Variants in SPON1 observed in about 807,000 individuals in gnomAD.
SPON1 encodes spondin-1.
SPON1 carries 52 observed loss-of-function variants against 111.7 expected under a neutral mutation model. The observed-to-expected ratio is 0.47, with a 90% CI of 0.37 to 0.59. The LOEUF (loss-of-function observed/expected upper bound fraction) is 0.59. Among genes scored for constraint, SPON1 ranks in the 20% least tolerant of loss-of-function variants. The pLI is 0.00. For missense variants in SPON1, 957 were observed against 1,068.5 expected, an observed-to-expected ratio of 0.90 and a Z score of 1.46; for synonymous variants, 410 against 395.8, an observed-to-expected ratio of 1.04 and a Z score of -0.43.
chr11:14,134,297 T>C (rs1847565423), intron 5 of SPON1, among the ~76,000 whole-genome samples: 1 of 152,224 alleles, frequency 6.6e-6, no homozygotes, highest in African/African-American at 2.4e-5. Context: ...AATAAATGTA[T>C]ATGCATCTGT....
intron 5 of SPON1, among the ~76,000 whole-genome samples, chr11:14,095,464 T>G (rs1849093288): frequency 6.6e-6 from 1 of 151,936 alleles, no homozygotes; most frequent in African/African-American, 2.4e-5. Context: ...CATTTTTTTT[T>G]GAGGAATTGG....
chr11:14,172,993 G>A (rs1848125609), intron 6 of SPON1, among the ~76,000 whole-genome samples: 1 of 151,844 alleles, frequency 6.6e-6, no homozygotes, highest in Admixed American at 6.6e-5. Flanking sequence ...TTCTCGAGGA[G>A]CATCTTTGTG....
intron 2 of SPON1, among the ~76,000 whole-genome samples, chr11:14,020,637 T>A (rs1848474246): frequency 6.6e-6 from 1 of 152,234 alleles, no homozygotes; most frequent in Non-Finnish European, 1.5e-5. Context: ...CAGCCTTGTT[T>A]GTTATAGCAA....
intron 6 of SPON1, among the ~76,000 whole-genome samples, chr11:14,208,054 G>A (rs1470301706): frequency 2.0e-5 from 3 of 152,078 alleles, no homozygotes; most frequent in Non-Finnish European, 4.4e-5. Context: ...TCCTTTGCAG[G>A]GACATGGATG....
chr11:14,230,609 G>T (rs1010120694), intron 6 of SPON1, among the ~76,000 whole-genome samples: 5 of 152,126 alleles, frequency 3.3e-5, no homozygotes, highest in African/African-American at 1.2e-4. Flanking sequence ...AGCCCATTGG[G>T]TCTAGAGGTC....
At chr11:14,155,769 C>T (rs1372661981) in intron 6 of SPON1, among the ~76,000 whole-genome samples, 4 of 125,764 alleles carry the variant, frequency 3.2e-5, no homozygotes, top group Non-Finnish European at 7.2e-5. Flanking sequence ...TTTGTTCTTG[C>T]GATAGTTTAC....
chr11:14,000,006 T>A (rs1401081165), intron 2 of SPON1, among the ~76,000 whole-genome samples: 5 of 152,206 alleles, frequency 3.3e-5, no homozygotes, highest in Non-Finnish European at 1.5e-5. Flanking sequence ...TAAAATTACC[T>A]CTTTGGAATA....
intron 6 of SPON1, among the ~76,000 whole-genome samples, chr11:14,139,912 G>A (rs145497602): frequency 7.4e-4 from 113 of 152,110 alleles, no homozygotes; most frequent in African/African-American, 2.5e-3. Context: ...AAGGGCCTGT[G>A]GGAGAACATA....
chr11:14,019,867 G>C (rs1283082165), intron 2 of SPON1, among the ~76,000 whole-genome samples: 1 of 152,152 alleles, frequency 6.6e-6, no homozygotes, highest in Non-Finnish European at 1.5e-5. Context: ...GGAGGATAGT[G>C]GGGGAAAACA....
intron 2 of SPON1, among the ~76,000 whole-genome samples, chr11:14,017,561 C>T (rs1554914424): frequency 2.0e-5 from 3 of 152,124 alleles, no homozygotes; most frequent in Non-Finnish European, 4.4e-5. Flanking sequence ...TCTGTGACAG[C>T]CTTGTGATGG....
chr11:13,973,080 T>G (rs189184636), intron 1 of SPON1, among the ~76,000 whole-genome samples: 5 of 152,310 alleles, frequency 3.3e-5, no homozygotes, highest in African/African-American at 1.2e-4. Context: ...CAGATAAACT[T>G]TCTCCAAATG....
chr11:14,029,577 C>T (rs996977684), intron 2 of SPON1, among the ~76,000 whole-genome samples: 7 of 152,140 alleles, frequency 4.6e-5, no homozygotes, highest in Non-Finnish European at 8.8e-5. Context: ...CCGCCTCACA[C>T]GTTGAATCCC....
intron 6 of SPON1, among the ~76,000 whole-genome samples, chr11:14,243,068 G>A (rs1554939858): frequency 6.6e-6 from 1 of 152,224 alleles, no homozygotes; most frequent in Admixed American, 6.5e-5. Context: ...CTCTAGTGGG[G>A]AAGGGATGGG....
chr11:14,009,718 G>C (rs1848389872), intron 2 of SPON1, among the ~76,000 whole-genome samples: 1 of 152,202 alleles, frequency 6.6e-6, no homozygotes, highest in African/African-American at 2.4e-5. Flanking sequence ...AGCAGTCCAA[G>C]ATCAAGGCAC....
At chr11:14,200,205 G>C (rs1848446996) in intron 6 of SPON1, among the ~76,000 whole-genome samples, 1 of 152,138 alleles carries the variant, frequency 6.6e-6, no homozygotes, top group South Asian at 2.1e-4. Flanking sequence ...TTAATAGAGT[G>C]TTCAAGTTTA....
chr11:14,155,062 C>G (rs1272104135), intron 6 of SPON1, among the ~76,000 whole-genome samples: 2 of 152,162 alleles, frequency 1.3e-5, no homozygotes, highest in Admixed American at 1.3e-4. Flanking sequence ...GAGACCTTAG[C>G]CTGGGCTTCA....
chr11:14,135,197 C>A lies in SPON1; in HGVS notation c.677-223C>A. ...AGAACGCATCTCTGGGCTGCCTCTG[C>A]GTCTTGTTCAACATCTGCTGTTGAC... is the stretch of plus-strand genomic sequence containing the variant. On this transcript the variant is annotated intron_variant, in intron 5 of 15. Coordinates refer to ENST00000576479, the MANE Select transcript of SPON1 (RefSeq NM_006108.4). The surrounding 1 kb of genome is among the most constrained non-coding windows in gnomAD (Gnocchi z 4.4). 2.2e-6 allele frequency: 1 copy of A among 446,858 alleles called. No homozygotes were observed. Among genetic ancestry groups the A allele is most frequent in the Non-Finnish European group, 4.0e-6 (1 of 250,266 alleles). The allele number at this position is 446,858 out of a possible 1,614,324, so 27.7% of individuals were successfully genotyped here.
At chr11:14,206,111 C>T (rs555692346) in intron 6 of SPON1, among the ~76,000 whole-genome samples, 1 of 152,252 alleles carries the variant, frequency 6.6e-6, no homozygotes, top group Non-Finnish European at 1.5e-5. Context: ...ATTGCATATA[C>T]AATTTTATAT....
At chr11:14,258,517 G>C (rs1381167495) in intron 11 of SPON1, among the ~76,000 whole-genome samples, 2 of 152,214 alleles carry the variant, frequency 1.3e-5, no homozygotes, top group Admixed American at 1.3e-4. Context: ...TTCTCTGCCT[G>C]ATAGATCTAC....
Sources: gnomAD v4.1 joint callset for allele counts (sites outside exome capture counted in the v4.1 genomes callset) on GRCh38, gnomAD v4.1.1 for gene constraint, Gnocchi (gnomAD v3.1) non-coding constraint, MANE v1.5 for transcripts, NCBI Gene and HGNC (gene_info 2026-07-23, HGNC 2026-07-21) for gene names.